CRHR2: variants seen among roughly 807,000 people sequenced by gnomAD.
CRHR2 encodes corticotropin releasing hormone receptor 2, also known as corticotropin-releasing hormone receptor 2.
A neutral mutation model predicts 57.9 loss-of-function variants in CRHR2; 53 were observed. That is an observed-to-expected ratio of 0.92 (90% CI 0.73 to 1.15). The LOEUF (loss-of-function observed/expected upper bound fraction) is 1.15, where lower values mean the gene tolerates loss of function less well. Among genes scored for constraint, CRHR2 ranks in the 50% most tolerant of loss-of-function variants. The pLI is 0.00. For missense variants in CRHR2, 532 were observed against 542.6 expected (o/e 0.98, Z 0.19); for synonymous variants, 213 against 220.9 (o/e 0.96, Z 0.32).
At chr7:30,682,094 G>T in intron 1 of CRHR2, 54 bp from the exon 2 acceptor site, 5 of 1,542,766 alleles carry the variant, frequency 3.2e-6, no homozygotes, top group Non-Finnish European at 3.5e-6. Context: ...GGGACGCGGG[G>T]CTCTCGGAGC....
upstream of CRHR2, among the ~76,000 whole-genome samples, chr7:30,684,200 A>G (rs940136713): frequency 4.6e-5 from 7 of 152,212 alleles, no homozygotes; most frequent in African/African-American, 1.7e-4. Context: ...ACCTAGGCAG[A>G]GTCCTACCCT....
Position 30,656,496 on chromosome 7 carries a change from G to C in CRHR2, c.832-484C>G, listed in dbSNP as rs1197547760. 3.3e-5 allele frequency among the ~76,000 whole-genome samples: 5 copies of C among 152,136 alleles called. No individual in the cohort carries two copies. The highest frequency in any genetic ancestry group is 4.8e-5 in the African/African-American group (2 of 41,420). Reference sequence around the variant, plus strand: ...GGTGGGGCGGACAAGGCCAGATGGAGGGATTAAGAACTCAGTTGCCGAATG... The same window carrying C: ...GGTGGGGCGGACAAGGCCAGATGGACGGATTAAGAACTCAGTTGCCGAATG... On this transcript the variant is annotated intron_variant, in intron 8 of 11. Transcript: ENST00000471646. The surrounding 1 kb of genome is among the most constrained non-coding windows in gnomAD (Gnocchi z 4.4).
intron 2 of CRHR2, among the ~76,000 whole-genome samples, chr7:30,667,628 C>T (rs1311975406): frequency 6.6e-6 from 1 of 152,262 alleles, no homozygotes; most frequent in African/African-American, 2.4e-5. Flanking sequence ...TGAAGATTCA[C>T]TGCTTTCAGC....
At chr7:30,684,205 T>C (rs1452494677), upstream of CRHR2, among the ~76,000 whole-genome samples, 1 of 152,196 alleles carries the variant, frequency 6.6e-6, no homozygotes, top group East Asian at 1.9e-4. Context: ...GGCAGAGTCC[T>C]ACCCTCCGCT....
chr7:30,659,147 A>G (rs1012436594), intron 8 of CRHR2, among the ~76,000 whole-genome samples: 1 of 152,180 alleles, frequency 6.6e-6, no homozygotes, highest in Non-Finnish European at 1.5e-5. Flanking sequence ...CTCAGCTTGG[A>G]ATGTGGAAGC....
intron 1 of CRHR2, among the ~76,000 whole-genome samples, chr7:30,690,705 G>A (rs1322343736): frequency 6.6e-6 from 1 of 152,092 alleles, no homozygotes; most frequent in Non-Finnish European, 1.5e-5. Flanking sequence ...CCCTCACCAC[G>A]TCAGCCTGGA....
upstream of CRHR2, chr7:30,686,240 C>T (rs1231904484): frequency 8.7e-6 from 10 of 1,152,230 alleles, no homozygotes; most frequent in Admixed American, 3.5e-5. Flanking sequence ...TGGCCTATGT[C>T]ACATCCAGGT....
chr7:30,662,545 C>A lies in CRHR2; in HGVS notation c.697+149G>T, dbSNP rs564378801. ...GGAGAGATCCTTTGCTTGTTCCTCA[C>A]CAGCATGGAGGGAAGTAGCTGCATC... is the stretch of plus-strand genomic sequence containing the variant. On this transcript the variant is annotated intron_variant, in intron 6 of 11. Transcript: ENST00000471646. The A allele has an allele frequency of 1.6e-4, 156 of 947,368 alleles. No individual in the cohort carries two copies. In the African/African-American group the frequency reaches 2.3e-3, roughly 14 times the overall value. The allele number at this position is 947,368 out of a possible 1,614,324, so 58.7% of individuals were successfully genotyped here.
rs547043962 is a variant in CRHR2, at chr7:30,665,395, C to A, written c.425+135G>T. On this transcript the variant is annotated intron_variant, in intron 4 of 11. Coordinates refer to ENST00000471646, the MANE Select transcript of CRHR2 (RefSeq NM_001883.5). The surrounding 1 kb of genome is among the most constrained non-coding windows in gnomAD (Gnocchi z 4.5). ...GCTGGTGATTCATGCCCTGGCACCC[C>A]ACCCAAACCCCACTTTCTCCACGGG... 5.6e-6 allele frequency: 5 copies of A among 889,330 alleles called. No individual in the cohort carries two copies. The South Asian group carries it at 8.3e-5, about 15-fold the overall frequency. The allele number at this position is 889,330 out of a possible 1,614,324, so 55.1% of individuals were successfully genotyped here. A position where few individuals can be genotyped will look rare whatever the true frequency, so the allele number is the denominator to read the frequency against.
At chr7:30,685,058 C>G (rs1272613060), upstream of CRHR2, among the ~76,000 whole-genome samples, 1 of 152,146 alleles carries the variant, frequency 6.6e-6, no homozygotes, top group Admixed American at 6.5e-5. Flanking sequence ...CTGTTGGGGA[C>G]AGGTTGGCAA....
intron 2 of CRHR2, among the ~76,000 whole-genome samples, chr7:30,667,920 A>G (rs542782406): frequency 5.3e-4 from 81 of 152,368 alleles, no homozygotes; most frequent in African/African-American, 1.7e-3. Flanking sequence ...AGAGGATTCA[A>G]ACTCAGAAGT....
chr7:30,687,081 T>C (rs1784870285), upstream of CRHR2, among the ~76,000 whole-genome samples: 1 of 152,000 alleles, frequency 6.6e-6, no homozygotes, highest in Non-Finnish European at 1.5e-5. Flanking sequence ...CTGGCTCATA[T>C]TTTTTTTCAG....
At chr7:30,679,893 C>T (rs1784643210) in intron 2 of CRHR2, among the ~76,000 whole-genome samples, 1 of 152,184 alleles carries the variant, frequency 6.6e-6, no homozygotes, top group Non-Finnish European at 1.5e-5. Flanking sequence ...TGACCTCACA[C>T]CCCAGGTGCT....
At chr7:30,675,818 C>T (rs549357372) in intron 2 of CRHR2, among the ~76,000 whole-genome samples, 2 of 152,332 alleles carry the variant, frequency 1.3e-5, no homozygotes, top group Admixed American at 1.3e-4. Flanking sequence ...TGTCACTCTT[C>T]CTAGAACAGG....
Position 30,656,841 on chromosome 7 carries a change from A to G in CRHR2, c.832-829T>C, listed in dbSNP as rs1314583453. 5.3e-5 allele frequency among the ~76,000 whole-genome samples: 8 copies of G among 152,026 alleles called. No homozygotes were observed. Among genetic ancestry groups the G allele is most frequent in the Admixed American group, 5.2e-4 (8 of 15,270 alleles). ...AGCTGCAGTGTGGGTCTGTGGGTCTATCCTTTAAGCACTTGTGCAAGTGTG... is the reference window on the plus strand; with the variant it reads ...AGCTGCAGTGTGGGTCTGTGGGTCTGTCCTTTAAGCACTTGTGCAAGTGTG... On this transcript the variant is annotated intron_variant, in intron 8 of 11. Transcript: ENST00000471646. This position sits in a 1 kb window ranked among gnomAD's most constrained non-coding sequence, Gnocchi z 4.4.
intron 2 of CRHR2, among the ~76,000 whole-genome samples, chr7:30,674,869 G>A (rs1413403534): frequency 1.3e-5 from 2 of 152,048 alleles, no homozygotes; most frequent in Non-Finnish European, 2.9e-5. Flanking sequence ...CAGGCCCCAG[G>A]CCACCTTCAA....
At chr7:30,654,744 C>G (rs1397987079) in intron 11 of CRHR2, 3 of 1,536,276 alleles carry the variant, frequency 2.0e-6, no homozygotes, top group South Asian at 2.4e-5. Context: ...CTTCTGTCAC[C>G]ACCTCTGCTC....
intron 1 of CRHR2, among the ~76,000 whole-genome samples, chr7:30,693,280 G>C (rs1402776797): frequency 4.6e-5 from 7 of 152,206 alleles, no homozygotes; most frequent in African/African-American, 1.7e-4. Context: ...GGTTACCAGA[G>C]AGACCAAGCC....
intron 2 of CRHR2, among the ~76,000 whole-genome samples, chr7:30,675,436 T>G (rs1346656172): frequency 6.6e-6 from 1 of 152,238 alleles, no homozygotes; most frequent in Non-Finnish European, 1.5e-5. Context: ...GAGATTTAGA[T>G]GGCACATTTT....
Sources: allele counts gnomAD v4.1 joint callset (sites outside exome capture counted in the v4.1 genomes callset), GRCh38; gene constraint gnomAD v4.1.1; non-coding constraint Gnocchi (gnomAD v3.1); transcripts MANE v1.5; gene names NCBI Gene and HGNC (gene_info 2026-07-23, HGNC 2026-07-21).